KCTD8: variants seen among roughly 807,000 people sequenced by gnomAD.
KCTD8 encodes the protein BTB/POZ domain-containing protein KCTD8.
A neutral mutation model predicts 31.5 loss-of-function variants in KCTD8; 27 were observed. That is an observed-to-expected ratio of 0.86 (90% CI 0.63 to 1.18). KCTD8 has a LOEUF of 1.18. KCTD8 is among the 50% of genes most tolerant of loss of function. KCTD8 has a pLI of 0.00. For synonymous variants in KCTD8, 290 were observed against 280.0 expected (o/e 1.04, Z -0.36); for missense variants, 658 against 647.7 (o/e 1.02, Z -0.17).
At chr4:44,260,825 T>C (rs1121871) in intron 1 of KCTD8, among the ~76,000 whole-genome samples, 1,790 of 152,012 alleles carry the variant, frequency 0.012, 32 homozygotes, top group African/African-American at 0.042. Flanking sequence ...ATGGAAATCA[T>C]TGGAAAGTTA....
At chr4:44,261,886 C>T (rs1672868807) in intron 1 of KCTD8, among the ~76,000 whole-genome samples, 1 of 151,884 alleles carries the variant, frequency 6.6e-6, no homozygotes, top group South Asian at 2.1e-4. Flanking sequence ...ATCAAATAAT[C>T]ACATTGTACA....
intron 1 of KCTD8, among the ~76,000 whole-genome samples, chr4:44,267,131 C>T (rs1308451043): frequency 6.6e-6 from 1 of 151,962 alleles, no homozygotes; most frequent in East Asian, 1.9e-4. Flanking sequence ...CAAAATTGAC[C>T]ACATACTTGG....
At chr4:44,431,233 G>A (rs1721495102) in intron 1 of KCTD8, among the ~76,000 whole-genome samples, 1 of 151,438 alleles carries the variant, frequency 6.6e-6, no homozygotes, top group South Asian at 2.1e-4. Flanking sequence ...AGAAAGTTCT[G>A]ATACACCCCC....
rs575538745 is a variant in KCTD8 at position 44,283,211 on chromosome 4, G to A, written c.962-107961C>T. Among the ~76,000 whole-genome samples, 17 of 151,898 alleles carry A rather than the reference G, an allele frequency of 1.1e-4. No homozygotes were observed. The East Asian group carries it at 1.4e-3, about 12-fold the overall frequency. On this transcript the variant is annotated intron_variant, in intron 1 of 1. Coordinates refer to ENST00000360029, the MANE Select transcript of KCTD8 (RefSeq NM_198353.3). ...ATTACGGGCATATGCCACCATGCCCGGCTAATTTTTGTATTTTTAGTAGAG... is the reference window on the plus strand; with the variant it reads ...ATTACGGGCATATGCCACCATGCCCAGCTAATTTTTGTATTTTTAGTAGAG...
At chr4:44,308,111 T>G (rs897257885) in intron 1 of KCTD8, among the ~76,000 whole-genome samples, 2 of 152,038 alleles carry the variant, frequency 1.3e-5, no homozygotes, top group Admixed American at 1.3e-4. Flanking sequence ...CAGTTATTCC[T>G]TTATATAGAA....
chr4:44,434,768 T>C (rs1217577639), intron 1 of KCTD8, among the ~76,000 whole-genome samples: 1 of 151,932 alleles, frequency 6.6e-6, no homozygotes, highest in Non-Finnish European at 1.5e-5. Context: ...TGCAAGACTT[T>C]ACTCCATAGG....
At chr4:44,370,873 C>CAA (rs1334843472) in intron 1 of KCTD8, among the ~76,000 whole-genome samples, 3 of 152,120 alleles carry the variant, frequency 2.0e-5, no homozygotes, top group African/African-American at 7.2e-5. Flanking sequence ...CTATATTAGT[C>CAA]AAGGTTCTCC....
chr4:44,209,220 CA>C (rs1324684353), intron 1 of KCTD8, among the ~76,000 whole-genome samples: 2 of 151,996 alleles, frequency 1.3e-5, no homozygotes, highest in African/African-American at 4.8e-5. Context: ...GCTTCTCTTG[CA>C]ATGTGGAATA....
intron 1 of KCTD8, among the ~76,000 whole-genome samples, chr4:44,278,318 C>G (rs1716808973): frequency 6.6e-6 from 1 of 151,964 alleles, no homozygotes; most frequent in East Asian, 1.9e-4. Flanking sequence ...CAATAGATGT[C>G]AGGGTTTCTT....
At chr4:44,249,169 A>C (rs1197481406) in intron 1 of KCTD8, among the ~76,000 whole-genome samples, 3 of 151,814 alleles carry the variant, frequency 2.0e-5, no homozygotes, top group Non-Finnish European at 4.4e-5. Context: ...TTGGGGCATG[A>C]ATTATAAAGT....
chr4:44,187,116 C>T (rs1403210036), intron 1 of KCTD8, among the ~76,000 whole-genome samples: 4 of 152,258 alleles, frequency 2.6e-5, no homozygotes, highest in African/African-American at 7.2e-5. Flanking sequence ...ATTCCTTTGG[C>T]AAAGTTCCTA....
At chr4:44,329,792 A>G (rs1268508758) in intron 1 of KCTD8, among the ~76,000 whole-genome samples, 1 of 151,998 alleles carries the variant, frequency 6.6e-6, no homozygotes, top group Non-Finnish European at 1.5e-5. Context: ...TCAGTATAAT[A>G]TTCTTGAGAT....
intron 1 of KCTD8, among the ~76,000 whole-genome samples, chr4:44,291,865 GTATGA>G (rs746608552): frequency 8.2e-5 from 12 of 146,826 alleles, no homozygotes; most frequent in Non-Finnish European, 1.2e-4. Flanking sequence ...GCCAACAAAT[GTATGA>G]AAAACAGGCT....
At chr4:44,421,907 T>C (rs1476976667) in intron 1 of KCTD8, among the ~76,000 whole-genome samples, 2 of 152,160 alleles carry the variant, frequency 1.3e-5, no homozygotes, top group Non-Finnish European at 2.9e-5. Flanking sequence ...TTTATCTGTG[T>C]ATCTGCTTTT....
intron 1 of KCTD8, among the ~76,000 whole-genome samples, chr4:44,205,550 T>G (rs1303187506): frequency 6.6e-6 from 1 of 152,204 alleles, no homozygotes; most frequent in Non-Finnish European, 1.5e-5. Flanking sequence ...TAAAATAATT[T>G]TTTTGCTGTT....
At chr4:44,329,769 T>G (rs1935774079) in intron 1 of KCTD8, among the ~76,000 whole-genome samples, 1 of 151,962 alleles carries the variant, frequency 6.6e-6, no homozygotes, top group South Asian at 2.1e-4. Context: ...GGTGTAAAAT[T>G]AACAGTACTC....
rs139953103 is a variant in KCTD8 at position 44,421,150 on chromosome 4, C to T, written c.961+26413G>A. ...AGTTGTCTCCATACGATTTGACTCC[C>T]TATCATAAAGCCATTTTTAAGCACA... On this transcript the variant is annotated intron_variant, in intron 1 of 1. Coordinates refer to ENST00000360029, the MANE Select transcript of KCTD8 (RefSeq NM_198353.3). Among the ~76,000 whole-genome samples the T allele has an allele frequency of 3.9e-3, 595 of 152,150 alleles. 3 individuals are homozygous for T. Among genetic ancestry groups the T allele is most frequent in the African/African-American group, 0.014 (568 of 41,520 alleles).
intron 1 of KCTD8, among the ~76,000 whole-genome samples, chr4:44,267,923 T>C (rs1716441140): frequency 6.6e-6 from 1 of 151,736 alleles, no homozygotes; most frequent in East Asian, 1.9e-4. Flanking sequence ...CCAAAAAGAG[T>C]CCAGGACCAG....
At chr4:44,322,367 C>A (rs1175732929) in intron 1 of KCTD8, among the ~76,000 whole-genome samples, 1 of 151,844 alleles carries the variant, frequency 6.6e-6, no homozygotes, top group Non-Finnish European at 1.5e-5. Context: ...GCATTTTTTT[C>A]ATACACTATT....
Sources: gnomAD v4.1 joint callset for allele counts (sites outside exome capture counted in the v4.1 genomes callset) on GRCh38, gnomAD v4.1.1 for gene constraint, MANE v1.5 for transcripts, NCBI Gene and HGNC (gene_info 2026-07-23, HGNC 2026-07-21) for gene names.